SLC35C1: variants seen among roughly 807,000 people sequenced by gnomAD.
SLC35C1 encodes GDP-fucose transporter 1.
SLC35C1 carries 8 observed loss-of-function variants against 23.2 expected under a neutral mutation model. The observed-to-expected ratio is 0.35, with a 90% CI of 0.20 to 0.62. The LOEUF is 0.62. Among genes scored for constraint, SLC35C1 ranks in the 20% least tolerant of loss-of-function variants. The probability of loss-of-function intolerance (pLI) is 0.75; values close to 1 mark genes in which losing one functional copy is unlikely to be tolerated. For synonymous variants in SLC35C1, 226 were observed against 225.1 expected (o/e 1.00, Z -0.04); for missense variants, 422 against 478.6 (o/e 0.88, Z 1.10).
chr11:45,812,449 AAAC>A lies in SLC35C1; in HGVS notation c.*1119_*1121del, dbSNP rs1467605677. On this transcript the variant is annotated 3_prime_UTR_variant, in exon 2 of 2. Coordinates refer to ENST00000314134, the MANE Select transcript of SLC35C1 (RefSeq NM_018389.5). ...AAATGCCGTAGGCCGGGTGGCTTAC[AAAC>A]AACAGAAACGTATTGCTCACAGTCC... 2 of 420,504 alleles carry A rather than the reference AAAC, an allele frequency of 4.8e-6. No individual in the cohort carries two copies. The highest frequency in any genetic ancestry group is 9.6e-6 in the Non-Finnish European group (2 of 207,820). 26.0% of individuals were successfully genotyped at this position (420,504 alleles called of 1,614,324 possible).
In SLC35C1 at chr11:45,811,111, A is replaced by AT. The variant is rs1300083125; in HGVS notation, c.871_872insT (p.Thr291IlefsTer173). 6.2e-7 allele frequency: 1 copy of AT among 1,613,164 alleles called. No homozygotes were observed. Among genetic ancestry groups the AT allele is most frequent in the Non-Finnish European group, 8.5e-7 (1 of 1,180,022 alleles). ...CGTGACAGGACTGCAGATCAAGTTCACCAGTCCGCTGACCCACAATGTGTC... is the reference window on the plus strand; with the variant it reads ...CGTGACAGGACTGCAGATCAAGTTCATCCAGTCCGCTGACCCACAATGTGTC... On this transcript the variant is annotated frameshift_variant, in exon 2 of 2. Transcript: ENST00000314134. LOFTEE classifies it high-confidence loss of function.
chr11:45,805,508 C>T lies in SLC35C1; in HGVS notation c.-294C>T. The T allele has an allele frequency of 4.5e-6, 6 of 1,332,338 alleles. No homozygotes were observed. The highest frequency in any genetic ancestry group is 1.7e-5 in the South Asian group (1 of 59,228). The allele number at this position is 1,332,338 out of a possible 1,614,324, so 82.5% of individuals were successfully genotyped here. A position where few individuals can be genotyped will look rare whatever the true frequency, so the allele number is the denominator to read the frequency against. On this transcript the variant is annotated 5_prime_UTR_variant, in exon 1 of 2. Coordinates refer to ENST00000314134, the MANE Select transcript of SLC35C1 (RefSeq NM_018389.5). ...TCCCTGTTAGGCCCCAGCCTCTTCT[C>T]CCCTCACAGGTCTTCTCTGTCCTGG...
chr11:45,805,710 G>A lies in SLC35C1; in HGVS notation c.-92G>A, dbSNP rs1002648702. On this transcript the variant is annotated 5_prime_UTR_variant, in exon 1 of 2. Transcript: ENST00000314134. ...CCCACATGTGACAATGGAGGGCTGC[G>A]GCTTCCTTGCGGAGAGCACAAGTGA... 5.0e-6 allele frequency: 8 copies of A among 1,593,960 alleles called. No homozygotes were observed. The highest frequency in any genetic ancestry group is 4.0e-5 in the African/African-American group (3 of 74,698).
rs1309228716 is a variant in SLC35C1, at chr11:45,811,994, G to A, written c.*659G>A. The A allele has an allele frequency of 6.3e-6, 1 of 157,682 alleles. No homozygotes were observed. The highest frequency in any genetic ancestry group is 2.4e-5 in the African/African-American group (1 of 41,506). The allele number at this position is 157,682 out of a possible 1,614,324, so 9.8% of individuals were successfully genotyped here. A position where few individuals can be genotyped will look rare whatever the true frequency, so the allele number is the denominator to read the frequency against. On this transcript the variant is annotated 3_prime_UTR_variant, in exon 2 of 2. Coordinates refer to ENST00000314134, the MANE Select transcript of SLC35C1 (RefSeq NM_018389.5). ...TATACACCCTGTATGTCCAGCTTTT[G>A]AACACAAGGGAACCATGCTTCTCTT...
chr11:45,812,726 A>G lies in SLC35C1; in HGVS notation c.*1391A>G. On this transcript the variant is annotated 3_prime_UTR_variant, in exon 2 of 2. Transcript: ENST00000314134. Reference sequence around the variant, plus strand: ...CTTGGGGGTGAGAATTCCAATGTGAATTTGCAGGGGGAGTGGGGGACACAC... The same window carrying G: ...CTTGGGGGTGAGAATTCCAATGTGAGTTTGCAGGGGGAGTGGGGGACACAC... The G allele has an allele frequency of 2.2e-6, 1 of 449,564 alleles. No individual in the cohort carries two copies. The highest frequency in any genetic ancestry group is 4.5e-6 in the Non-Finnish European group (1 of 222,172). 27.8% of individuals were successfully genotyped at this position (449,564 alleles called of 1,614,324 possible). A position where few individuals can be genotyped will look rare whatever the true frequency, so the allele number is the denominator to read the frequency against.
Position 45,811,529 on chromosome 11 carries a change from A to G in SLC35C1, c.*194A>G. On this transcript the variant is annotated 3_prime_UTR_variant, in exon 2 of 2. Coordinates refer to ENST00000314134, the MANE Select transcript of SLC35C1 (RefSeq NM_018389.5). ...GTAATATCAGAAAGTTGAAGGAACC[A>G]GTGTTTACAAGTAATACCAGAAAGT... 2.0e-6 allele frequency: 1 copy of G among 498,406 alleles called. No individual in the cohort carries two copies. The highest frequency in any genetic ancestry group is 3.5e-6 in the Non-Finnish European group (1 of 286,754). 30.9% of individuals were successfully genotyped at this position (498,406 alleles called of 1,614,324 possible).
chr11:45,804,320 G>C, upstream of SLC35C1: 1 of 239,490 alleles, frequency 4.2e-6, no homozygotes, highest in South Asian at 1.5e-4. Context: ...GCCCGGGCCC[G>C]GGGCGGAAAG....
At chr11:45,810,122 G>A (rs1178565189) in intron 1 of SLC35C1, 5 of 985,246 alleles carry the variant, frequency 5.1e-6, no homozygotes, top group South Asian at 4.7e-5. Context: ...CTGCACCCCC[G>A]CCTGCCACGC....
At chr11:45,809,367 G>T (rs2085911614) in intron 1 of SLC35C1, among the ~76,000 whole-genome samples, 1 of 152,152 alleles carries the variant, frequency 6.6e-6, no homozygotes, top group African/African-American at 2.4e-5. Flanking sequence ...TTTAGAGGAA[G>T]AAGTAGGGAC....
rs1554953091 is a variant in SLC35C1 at position 45,805,921 on chromosome 11, G to T, written c.120G>T (p.Gln40His). The T allele has an allele frequency of 1.2e-6, 2 of 1,614,208 alleles. No homozygotes were observed. The highest frequency in any genetic ancestry group is 1.7e-6 in the Non-Finnish European group (2 of 1,180,028). Residue 40 changes from glutamine (Q) to histidine (H), a missense_variant, in exon 1 of 2, where the codon CAG becomes CAT. Transcript: ENST00000314134. Reference protein sequence around the residue: ...GEKPFLLRALQIALVVSLYWV... With the variant: ...GEKPFLLRALHIALVVSLYWV... The stretch of plus-strand genomic sequence containing the variant: ...AGCCCTTTCTGCTGCGGGCATTGCA[G>T]ATCGCGCTGGTGGTCTCCCTCTACT...
chr11:45,805,244 G>GC lies in SLC35C1; in HGVS notation c.-554dup, dbSNP rs2085856041. The GC allele has an allele frequency of 8.0e-6, 8 of 997,016 alleles. No homozygotes were observed. Among genetic ancestry groups the GC allele is most frequent in the Non-Finnish European group, 9.6e-6 (8 of 836,236 alleles). 61.8% of individuals were successfully genotyped at this position (997,016 alleles called of 1,614,324 possible). ...GCCCAGCCCCCTCCCGCGTCCTTCA[G>GC]CCCCAAGCCCCGAGCCCCTCTGACC... On this transcript the variant is annotated 5_prime_UTR_variant, in exon 1 of 2. An upstream open reading frame in the 5' UTR loses its in-frame stop. Coordinates refer to ENST00000314134, the MANE Select transcript of SLC35C1 (RefSeq NM_018389.5).
Position 45,811,461 on chromosome 11 carries a change from C to T in SLC35C1, c.*126C>T, listed in dbSNP as rs1234544539. ...GTGTGGACTGGGTGCTACTTATAGA[C>T]CCAATCAGAATACGGTGGTTGAGAA... On this transcript the variant is annotated 3_prime_UTR_variant, in exon 2 of 2. Transcript: ENST00000314134. 2.8e-6 allele frequency: 2 copies of T among 715,476 alleles called. No individual in the cohort carries two copies. The highest frequency in any genetic ancestry group is 4.4e-6 in the Non-Finnish European group (2 of 453,384). The allele number at this position is 715,476 out of a possible 1,614,324, so 44.3% of individuals were successfully genotyped here. A position where few individuals can be genotyped will look rare whatever the true frequency, so the allele number is the denominator to read the frequency against.
At chr11:45,804,401 C>A, upstream of SLC35C1, 1 of 797,268 alleles carries the variant, frequency 1.3e-6, no homozygotes, top group Non-Finnish European at 1.5e-6. Context: ...GCGGGGCGGG[C>A]GCCCAGTGCA....
At chr11:45,807,474 TTCCC>T (rs2085889745) in intron 1 of SLC35C1, among the ~76,000 whole-genome samples, 1 of 152,096 alleles carries the variant, frequency 6.6e-6, no homozygotes, top group Non-Finnish European at 1.5e-5. Context: ...CAGCATCCCA[TTCCC>T]TCCGAGTCTT....
chr11:45,807,194 A>G (rs374026704), intron 1 of SLC35C1, among the ~76,000 whole-genome samples: 7 of 152,104 alleles, frequency 4.6e-5, no homozygotes, highest in Middle Eastern at 3.4e-3. Context: ...GATTGGCCAG[A>G]CTCCCAGGCC....
At chr11:45,805,026 A>G (rs2085852136), upstream of SLC35C1, 3 of 985,576 alleles carry the variant, frequency 3.0e-6, no homozygotes, top group African/African-American at 5.2e-5. Context: ...GGGGCTGGGG[A>G]CTGGCGAACT....
Position 45,811,359 on chromosome 11 carries a change from C to A in SLC35C1, c.*24C>A. On this transcript the variant is annotated 3_prime_UTR_variant, in exon 2 of 2. Transcript: ENST00000314134. ...GAGCACCACAGGCACCCTGGATGGC[C>A]CGGCCCCGGGGCCCGTACACAGGCG... The A allele has an allele frequency of 6.8e-7, 1 of 1,473,098 alleles. No individual in the cohort carries two copies. The highest frequency in any genetic ancestry group is 1.4e-5 in the South Asian group (1 of 71,806). 91.3% of individuals were successfully genotyped at this position (1,473,098 alleles called of 1,614,324 possible).
Position 45,811,017 on chromosome 11 carries a change from C to G in SLC35C1, c.777C>G (p.Ala259=). The G allele has an allele frequency of 6.2e-7, 1 of 1,613,006 alleles. No homozygotes were observed. The highest frequency in any genetic ancestry group is 8.5e-7 in the Non-Finnish European group (1 of 1,180,032). ...LGELQALRDF[A]QLGSAHFWGM... ...AGCTTCAGGCCCTGCGTGACTTTGCCCAGCTGGGCAGTGCCCACTTCTGGG... is the reference window on the plus strand; with the variant it reads ...AGCTTCAGGCCCTGCGTGACTTTGCGCAGCTGGGCAGTGCCCACTTCTGGG... Residue 259 remains alanine (A), a synonymous_variant, in exon 2 of 2, where the codon GCC becomes GCG. Transcript: ENST00000314134.
intron 1 of SLC35C1, among the ~76,000 whole-genome samples, chr11:45,807,960 C>G (rs1348974326): frequency 1.3e-5 from 2 of 152,156 alleles, no homozygotes; most frequent in Non-Finnish European, 1.5e-5. Flanking sequence ...GGTGAAGACA[C>G]TAGGGTAACT....
Sources: gnomAD v4.1 joint callset for allele counts (sites outside exome capture counted in the v4.1 genomes callset) on GRCh38, gnomAD v4.1.1 for gene constraint, MANE v1.5 for transcripts, NCBI Gene and HGNC (gene_info 2026-07-23, HGNC 2026-07-21) for gene names.